SRC: variants seen among roughly 807,000 people sequenced by gnomAD.
SRC encodes the protein SRC proto-oncogene, non-receptor tyrosine kinase, also known as proto-oncogene tyrosine-protein kinase Src.
A neutral mutation model predicts 62.9 loss-of-function variants in SRC; 13 were observed. The observed-to-expected ratio is 0.21, with a 90% CI of 0.13 to 0.33. The LOEUF is 0.33. Among genes scored for constraint, SRC ranks in the 10% least tolerant of loss-of-function variants. The probability of loss-of-function intolerance (pLI) is 1.00; values close to 1 mark genes in which losing one functional copy is unlikely to be tolerated. For missense variants in SRC, 457 were observed against 737.3 expected (o/e 0.62, Z 4.40); for synonymous variants, 302 against 317.5 (o/e 0.95, Z 0.52).
At chr20:37,382,989 G>C (rs2070387573) in intron 3 of SRC, among the ~76,000 whole-genome samples, 1 of 152,206 alleles carries the variant, frequency 6.6e-6, no homozygotes, top group Non-Finnish European at 1.5e-5. Context: ...TGGCTCTGAA[G>C]TCCCTTAGCT....
chr20:37,389,859 T>C (rs1044166861), intron 5 of SRC, among the ~76,000 whole-genome samples: 1 of 152,114 alleles, frequency 6.6e-6, no homozygotes, highest in South Asian at 2.1e-4. Flanking sequence ...CTTCTAGCCA[T>C]GGGTGGGAAG....
chr20:37,368,518 C>CTTTTTCTTTTTT (rs2070101369), intron 2 of SRC, among the ~76,000 whole-genome samples: 1 of 73,900 alleles, frequency 1.4e-5, no homozygotes, highest in African/African-American at 4.3e-5. Context: ...CCTATATTTT[C>CTTTTTCTTTTTT]TTTTTTTTTT....
intron 2 of SRC, among the ~76,000 whole-genome samples, chr20:37,378,154 TTCTTC>T (rs2070304984): frequency 6.6e-6 from 1 of 150,436 alleles, no homozygotes; most frequent in South Asian, 2.1e-4. Context: ...TTTCCTTTCT[TTCTTC>T]TCTTTTTTTT....
chr20:37,366,911 T>A (rs114711027), intron 2 of SRC, among the ~76,000 whole-genome samples: 1 of 152,322 alleles, frequency 6.6e-6, no homozygotes, highest in African/African-American at 2.4e-5. Flanking sequence ...CTAGATCATA[T>A]GGTAATTCCG....
intron 1 of SRC, among the ~76,000 whole-genome samples, chr20:37,358,730 C>T (rs115088162): frequency 6.0e-4 from 92 of 152,330 alleles, no homozygotes; most frequent in Non-Finnish European, 1.1e-3. Context: ...CTCTCCAGGG[C>T]GTGAGTTTGG....
rs916524217 is a variant in SRC, at chr20:37,404,064, C to T, written c.*685C>T. The T allele has an allele frequency of 9.0e-5, 21 of 234,320 alleles. No individual in the cohort carries two copies. Among genetic ancestry groups the T allele is most frequent in the African/African-American group, 2.2e-4 (10 of 45,448 alleles). The allele number at this position is 234,320 out of a possible 1,614,324, so 14.5% of individuals were successfully genotyped here. A position where few individuals can be genotyped will look rare whatever the true frequency, so the allele number is the denominator to read the frequency against. Reference sequence around the variant, plus strand: ...TCACCCATGGGGAGACAGTTGAGAGCGGGGATGTGACATGCCCAAGGCCAC... The same window carrying T: ...TCACCCATGGGGAGACAGTTGAGAGTGGGGATGTGACATGCCCAAGGCCAC... On this transcript the variant is annotated 3_prime_UTR_variant, in exon 14 of 14. Transcript: ENST00000373578.
In SRC at chr20:37,384,917, C is replaced by T. The variant is rs892210223; in HGVS notation, c.250+514C>T. Reference sequence around the variant, plus strand: ...AGAGGGCCGTTTTGGAGAGCCGCGGCGGTGCCCCAGACACTCCACGCAGAC... The same window carrying T: ...AGAGGGCCGTTTTGGAGAGCCGCGGTGGTGCCCCAGACACTCCACGCAGAC... On this transcript the variant is annotated intron_variant, in intron 4 of 13. Transcript: ENST00000373578. The surrounding 1 kb of genome is among the most constrained non-coding windows in gnomAD (Gnocchi z 6.7). Among the ~76,000 whole-genome samples the T allele has an allele frequency of 3.9e-5, 6 of 152,180 alleles. No homozygotes were observed. Among genetic ancestry groups the T allele is most frequent in the African/African-American group, 7.2e-5 (3 of 41,450 alleles).
rs2070651333 is a variant in SRC at position 37,396,370 on chromosome 20, G to GGAGGGGC, written c.703+60_703+66dup. 1.9e-6 allele frequency: 3 copies of GGAGGGGC among 1,598,602 alleles called. No homozygotes were observed. In the Admixed American group the frequency reaches 5.0e-5, roughly 27 times the overall value. On this transcript the variant is annotated intron_variant, in intron 8 of 13. Coordinates refer to ENST00000373578, the MANE Select transcript of SRC (RefSeq NM_198291.3). This position sits in a 1 kb window ranked among gnomAD's most constrained non-coding sequence, Gnocchi z 6.1. ...GCAAAGCCTCAGCTGCAGACTCTGG[G>GGAGGGGC]GAGGGGCCTTGGAGCCTAGAAGGGT...
At chr20:37,345,950 T>G (rs1420712209), upstream of SRC, among the ~76,000 whole-genome samples, 1 of 146,762 alleles carries the variant, frequency 6.8e-6, no homozygotes. Flanking sequence ...CGCCCCTGGG[T>G]CTCTCCCGGG....
At position 37,403,474 on chromosome 20, in the gene SRC, CCTCT is replaced by C; in HGVS notation, c.*100_*103del. 1 of 1,351,440 alleles carries C rather than the reference CCTCT, an allele frequency of 7.4e-7. No individual in the cohort carries two copies. Among genetic ancestry groups the C allele is most frequent in the Admixed American group, 2.3e-5 (1 of 43,868 alleles). The allele number at this position is 1,351,440 out of a possible 1,614,324, so 83.7% of individuals were successfully genotyped here. A position where few individuals can be genotyped will look rare whatever the true frequency, so the allele number is the denominator to read the frequency against. ...CCCACTCTGCCTGCCTGCTGTTGGT[CCTCT>C]CTCTGTGGGGCTGAATTGCCAGGGG... On this transcript the variant is annotated 3_prime_UTR_variant, in exon 14 of 14. Transcript: ENST00000373578. The surrounding 1 kb of genome is among the most constrained non-coding windows in gnomAD (Gnocchi z 7.1).
At chr20:37,348,482 A>T (rs1448525755) in intron 1 of SRC, among the ~76,000 whole-genome samples, 1 of 152,096 alleles carries the variant, frequency 6.6e-6, no homozygotes, top group African/African-American at 2.4e-5. Context: ...GGAACTTGGA[A>T]CTCGGGCTGA....
rs750199560 is a variant in SRC, at chr20:37,393,935, C to G, written c.391C>G (p.Gln131Glu). The G allele has an allele frequency of 6.2e-7, 1 of 1,614,162 alleles. No individual in the cohort carries two copies. The highest frequency in any genetic ancestry group is 1.1e-5 in the South Asian group (1 of 91,082). Residue 131 changes from glutamine to glutamate, a missense_variant, in exon 6 of 14, where the codon CAG (glutamine) becomes GAG (glutamate). Physicochemically the swap from Gln to Glu is conservative, Grantham distance 29 (BLOSUM62 2). Coordinates refer to ENST00000373578, the MANE Select transcript of SRC (RefSeq NM_198291.3). ...WWLAHSLSTG[Q>E]TGYIPSNYVA... ...GCTGGCCCACTCGCTCAGCACAGGA[C>G]AGACAGGCTACATCCCCAGCAACTA... is the stretch of plus-strand genomic sequence containing the variant.
At chr20:37,347,124 C>T (rs73099314) in intron 1 of SRC, among the ~76,000 whole-genome samples, 11 of 152,364 alleles carry the variant, frequency 7.2e-5, no homozygotes, top group African/African-American at 9.6e-5. Context: ...TCAGCCCCTG[C>T]GTCCTTCAGG....
chr20:37,388,740 C>T lies in SRC; in HGVS notation c.350+2566C>T, dbSNP rs1029779635. ...CCAGCCTGGGTGACAGAGCAAGACTCTGTCTCAAAAAAAAGAAGTGAAGGA... is the reference window on the plus strand; with the variant it reads ...CCAGCCTGGGTGACAGAGCAAGACTTTGTCTCAAAAAAAAGAAGTGAAGGA... On this transcript the variant is annotated intron_variant, in intron 5 of 13. Coordinates refer to ENST00000373578, the MANE Select transcript of SRC (RefSeq NM_198291.3). Among the ~76,000 whole-genome samples the T allele has an allele frequency of 2.0e-5, 3 of 149,162 alleles. No homozygotes were observed. The South Asian group carries it at 6.3e-4, about 31-fold the overall frequency.
intron 7 of SRC, among the ~76,000 whole-genome samples, chr20:37,394,797 G>T (rs2070613785): frequency 1.3e-5 from 2 of 152,370 alleles, no homozygotes; most frequent in East Asian, 3.9e-4. Context: ...AAGCTGAGCT[G>T]CTTCCTGTGG....
intron 7 of SRC, among the ~76,000 whole-genome samples, chr20:37,394,688 C>T (rs188768420): frequency 6.0e-4 from 91 of 152,232 alleles, no homozygotes; most frequent in African/African-American, 2.0e-3. Context: ...TGGTCCCTGC[C>T]CCTCTCCTGT....
chr20:37,400,335 G>A (rs748479556), intron 10 of SRC, 41 bp downstream of exon 10: 7 of 1,551,756 alleles, frequency 4.5e-6, no homozygotes, highest in South Asian at 2.4e-5. Flanking sequence ...GGGGCACTCC[G>A]GACAGGGCAG....
rs1273222759 is a variant in SRC at position 37,400,125 on chromosome 20, C to T, written c.870C>T (p.Asn290=). 34 of 1,607,334 alleles carry T rather than the reference C, an allele frequency of 2.1e-5. No individual in the cohort carries two copies. The highest frequency in any genetic ancestry group is 5.5e-5 in the South Asian group (5 of 90,390). ...ATCCCTCCTCAACAGGGACCTGGAA[C>T]GGTACCACCAGGGTGGCCATCAAAA... The part of the protein sequence containing the change: ...CFGEVWMGTW[N]GTTRVAIKTL... The change falls in exon 10 of 14, where the codon AAC becomes AAT. Residue 290 remains asparagine, a synonymous_variant. Transcript: ENST00000373578.
At chr20:37,377,398 C>A (rs946843044) in intron 2 of SRC, among the ~76,000 whole-genome samples, 1 of 152,248 alleles carries the variant, frequency 6.6e-6, no homozygotes. Flanking sequence ...GGAGTCCTCA[C>A]TCTCAGCTCC....
Sources: gnomAD v4.1 joint callset for allele counts (sites outside exome capture counted in the v4.1 genomes callset) on GRCh38, gnomAD v4.1.1 for gene constraint, Gnocchi (gnomAD v3.1) non-coding constraint, MANE v1.5 for transcripts, NCBI Gene and HGNC (gene_info 2026-07-23, HGNC 2026-07-21) for gene names.